Variants in CEACAM8 observed in about 807,000 individuals in gnomAD.
CEACAM8 encodes CEA cell adhesion molecule 8, also known as cell adhesion molecule CEACAM8.
In CEACAM8, 31 loss-of-function variants were observed where a neutral mutation model predicts 33.4. The ratio of observed to expected loss-of-function variants is 0.93; its 90% CI spans 0.70 to 1.25. CEACAM8 has a LOEUF of 1.25. Among genes scored for constraint, CEACAM8 ranks in the 50% most tolerant of loss-of-function variants. The probability of loss-of-function intolerance (pLI) is 0.00; values close to 1 mark genes in which losing one functional copy is unlikely to be tolerated. For synonymous variants in CEACAM8, 138 were observed against 164.5 expected (o/e 0.84, Z 1.23); for missense variants, 388 against 434.6 (o/e 0.89, Z 0.95).
In CEACAM8 at chr19:42,593,523, T is replaced by C; in HGVS notation, c.424+18A>G. 1.3e-6 allele frequency: 2 copies of C among 1,548,826 alleles called. No homozygotes were observed. The highest frequency in any genetic ancestry group is 1.7e-6 in the Non-Finnish European group (2 of 1,145,638). The stretch of plus-strand genomic sequence containing the variant: ...AGAACTGACCCCCAACACCCAGAGG[T>C]CATGGGGAATCACTCACGATGTACG... On this transcript the variant is annotated intron_variant, in intron 2 of 5. Transcript: ENST00000244336.
At chr19:42,592,965 C>G (rs1438339712) in intron 2 of CEACAM8, among the ~76,000 whole-genome samples, 1 of 152,238 alleles carries the variant, frequency 6.6e-6, no homozygotes, top group Non-Finnish European at 1.5e-5. Flanking sequence ...GGACAAGACT[C>G]TGTCCTTGCC....
At position 42,585,334 on chromosome 19, in the gene CEACAM8, CA is replaced by C. The variant is rs45540542; in HGVS notation, c.959-1998del. 4.1e-4 allele frequency among the ~76,000 whole-genome samples: 46 copies of C among 112,716 alleles called. No homozygotes were observed. The East Asian group carries it at 4.1e-3, about 10-fold the overall frequency. The allele number at this position is 112,716 out of a possible 152,430, so 73.9% of individuals were successfully genotyped here. A position where few individuals can be genotyped will look rare whatever the true frequency, so the allele number is the denominator to read the frequency against. On this transcript the variant is annotated intron_variant, in intron 4 of 5. Transcript: ENST00000244336. ...CTCTCAAAAAAAAAAAAAAAACAAACAAAAAAAAAACGAAAGAAAGAAAAGA... is the reference window on the plus strand; with the variant it reads ...CTCTCAAAAAAAAAAAAAAAACAAACAAAAAAAAACGAAAGAAAGAAAAGA...
At chr19:42,584,867 G>A (rs1338408817) in intron 4 of CEACAM8, among the ~76,000 whole-genome samples, 1 of 152,122 alleles carries the variant, frequency 6.6e-6, no homozygotes, top group East Asian at 1.9e-4. Flanking sequence ...TAAATGAAAT[G>A]GAGAATGGAC....
At position 42,593,805 on chromosome 19, in the gene CEACAM8, G is replaced by A. The variant is rs1479377133; in HGVS notation, c.160C>T (p.Leu54Phe). 1 of 1,614,108 alleles carries A rather than the reference G, an allele frequency of 6.2e-7. No homozygotes were observed. The change falls in exon 2 of 6, where the codon CTT (leucine) becomes TTT (phenylalanine). Residue 54 changes from leucine (L) to phenylalanine (F), a missense_variant. Coordinates refer to ENST00000244336, the MANE Select transcript of CEACAM8 (RefSeq NM_001816.4). ...NAAEGKEVLLLVHNLPQDPRG... is the reference protein window; with the variant it reads ...NAAEGKEVLLFVHNLPQDPRG... ...GGGTCCTGGGGCAGATTGTGGACAA[G>A]TAGAAGAACCTCCTTCCCCTCTGCA...
rs750769691 is a variant in CEACAM8 at position 42,588,876 on chromosome 19, A to C, written c.866T>G (p.Ile289Ser). ...ATAGGATCCGCTGTTCTTTGTAGTG[A>C]TGTTGGGGATAAAGAGCTTTTGTGT... ...QYTQKLFIPN[I>S]TTKNSGSYAC... The change falls in exon 4 of 6, where the codon ATC (isoleucine) becomes AGC (serine). Residue 289 changes from isoleucine (I) to serine (S), a missense_variant. Coordinates refer to ENST00000244336, the MANE Select transcript of CEACAM8 (RefSeq NM_001816.4). 3 of 1,613,958 alleles carry C rather than the reference A, an allele frequency of 1.9e-6. No homozygotes were observed. Among genetic ancestry groups the C allele is most frequent in the Non-Finnish European group, 1.7e-6 (2 of 1,180,016 alleles).
At chr19:42,590,272 G>A (rs1006582747) in intron 2 of CEACAM8, among the ~76,000 whole-genome samples, 1 of 152,198 alleles carries the variant, frequency 6.6e-6, no homozygotes, top group East Asian at 1.9e-4. Flanking sequence ...CGGTTCCGTC[G>A]TCAGGCAGTG....
chr19:42,593,433 G>A (rs1040501473), intron 2 of CEACAM8, 108 bp downstream of exon 2: 3 of 1,394,374 alleles, frequency 2.2e-6, no homozygotes, highest in African/African-American at 2.9e-5. Context: ...AAACCCTAAA[G>A]TGGGATGTAA....
Position 42,585,429 on chromosome 19 carries a change from C to T in CEACAM8, c.959-2092G>A, listed in dbSNP as rs181180385. ...AAAAGTACTATGAATAATTGTATGCCAATAAATTGGATAGCCTAGATGAAA... is the reference window on the plus strand; with the variant it reads ...AAAAGTACTATGAATAATTGTATGCTAATAAATTGGATAGCCTAGATGAAA... On this transcript the variant is annotated intron_variant, in intron 4 of 5. Transcript: ENST00000244336. Among the ~76,000 whole-genome samples the T allele has an allele frequency of 5.9e-5, 9 of 151,602 alleles. No individual in the cohort carries two copies. The East Asian group carries it at 1.7e-3, about 29-fold the overall frequency.
rs1165231239 is a variant in CEACAM8, at chr19:42,593,792, A to G, written c.173T>C (p.Leu58Pro). Reference sequence around the variant, plus strand: ...GTTGTAGCCACGAGGGTCCTGGGGCAGATTGTGGACAAGTAGAAGAACCTC... The same window carrying G: ...GTTGTAGCCACGAGGGTCCTGGGGCGGATTGTGGACAAGTAGAAGAACCTC... ...GKEVLLLVHN[L>P]PQDPRGYNWY... The change falls in exon 2 of 6, where the codon CTG (leucine) becomes CCG (proline). Residue 58 changes from leucine to proline, a missense_variant. Transcript: ENST00000244336. 6.2e-7 allele frequency: 1 copy of G among 1,614,054 alleles called. No individual in the cohort carries two copies.
intron 4 of CEACAM8, among the ~76,000 whole-genome samples, chr19:42,586,473 C>T: frequency 6.6e-6 from 1 of 152,186 alleles, no homozygotes; most frequent in East Asian, 1.9e-4. Flanking sequence ...GATGCCAATA[C>T]CACTCAATGG....
At chr19:42,593,055 G>T (rs2042474178) in intron 2 of CEACAM8, among the ~76,000 whole-genome samples, 1 of 152,220 alleles carries the variant, frequency 6.6e-6, no homozygotes, top group Non-Finnish European at 1.5e-5. Flanking sequence ...GTAAATCTTT[G>T]CTCCTAGTTG....
At chr19:42,588,418 T>C (rs538601042) in intron 4 of CEACAM8, among the ~76,000 whole-genome samples, 1 of 152,170 alleles carries the variant, frequency 6.6e-6, no homozygotes, top group South Asian at 2.1e-4. Context: ...ATGGCATAGG[T>C]AAAAGAAAAC....
intron 4 of CEACAM8, among the ~76,000 whole-genome samples, chr19:42,584,892 A>C (rs945346952): frequency 1.6e-4 from 25 of 152,250 alleles, no homozygotes; most frequent in African/African-American, 6.0e-4. Context: ...AATAGAGGAA[A>C]TCAATGAAAC....
At chr19:42,583,824 A>T (rs1297288472) in intron 4 of CEACAM8, among the ~76,000 whole-genome samples, 1 of 151,868 alleles carries the variant, frequency 6.6e-6, no homozygotes, top group Non-Finnish European at 1.5e-5. Flanking sequence ...GTTTTGTGAG[A>T]CTCTGTTTAA....
chr19:42,594,639 C>T (rs2042512502), intron 1 of CEACAM8, 126 bp downstream of exon 1: 3 of 712,962 alleles, frequency 4.2e-6, no homozygotes, highest in Admixed American at 2.1e-5. Flanking sequence ...TCTCTTGTGT[C>T]CTCTCCTCTA....
Position 42,588,766 on chromosome 19 carries a change from C to T in CEACAM8, c.958+18G>A. The T allele has an allele frequency of 6.2e-7, 1 of 1,613,316 alleles. No homozygotes were observed. Among genetic ancestry groups the T allele is most frequent in the Non-Finnish European group, 8.5e-7 (1 of 1,179,356 alleles). On this transcript the variant is annotated intron_variant, in intron 4 of 5. Transcript: ENST00000244336. ...TCTACCAGAAAACATACTGCCAGTG[C>T]TCCAGGGATCCACTTACCAGAGACT...
Position 42,589,688 on chromosome 19 carries a change from C to G in CEACAM8, c.472G>C (p.Glu158Gln). The change falls in exon 3 of 6, where the codon GAG (glutamate) becomes CAG (glutamine). Residue 158 changes from glutamate to glutamine, a missense_variant. Glu to Gln is a conservative substitution (Grantham distance 29). Coordinates refer to ENST00000244336, the MANE Select transcript of CEACAM8 (RefSeq NM_001816.4). ...GTGAAGGCCACAGCATCCTTGTCCT[C>G]CACGGGGTTGGAGTTGTTGCTGGAG... Reference protein sequence around the residue: ...SISSNNSNPVEDKDAVAFTCE... With the variant: ...SISSNNSNPVQDKDAVAFTCE... The G allele has an allele frequency of 6.2e-7, 1 of 1,614,216 alleles. No individual in the cohort carries two copies. Among genetic ancestry groups the G allele is most frequent in the Middle Eastern group, 1.6e-4 (1 of 6,062 alleles).
At position 42,589,056 on chromosome 19, in the gene CEACAM8, A is replaced by G; in HGVS notation, c.704-18T>C. ...TGGGCCATCTAGAGCAAAAGAATAA[A>G]GTCACAGGTGATGTCATCAGAGGGA... On this transcript the variant is annotated intron_variant, in intron 3 of 5. Transcript: ENST00000244336. 1 of 1,604,144 alleles carries G rather than the reference A, an allele frequency of 6.2e-7. No individual in the cohort carries two copies. The highest frequency in any genetic ancestry group is 1.3e-5 in the African/African-American group (1 of 74,858).
At chr19:42,583,419 G>A in intron 4 of CEACAM8, 82 bp from the exon 5 acceptor site, 2 of 859,958 alleles carry the variant, frequency 2.3e-6, no homozygotes, top group Admixed American at 4.4e-5. Context: ...CTCCTAGCAT[G>A]AAGTAGTCTC....
Sources: allele counts gnomAD v4.1 joint callset (sites outside exome capture counted in the v4.1 genomes callset), GRCh38; gene constraint gnomAD v4.1.1; transcripts MANE v1.5; gene names NCBI Gene and HGNC (gene_info 2026-07-23, HGNC 2026-07-21).